The following NAALADL2 variants were observed in gnomAD, a reference collection of about 807,000 sequenced individuals.
NAALADL2 encodes the protein inactive N-acetylated-alpha-linked acidic dipeptidase-like protein 2.
NAALADL2 carries 76 observed loss-of-function variants against 87.2 expected under a neutral mutation model. That is an observed-to-expected ratio of 0.87 (90% CI 0.72 to 1.05). NAALADL2 has a LOEUF of 1.05. Among genes scored for constraint, NAALADL2 ranks in the 50% least tolerant of loss-of-function variants. The pLI is 0.00. For synonymous variants in NAALADL2, 354 were observed against 331.0 expected, an observed-to-expected ratio of 1.07 and a Z score of -0.75; for missense variants, 1,089 against 945.8, an observed-to-expected ratio of 1.15 and a Z score of -1.99.
At chr3:175,132,969 G>A (rs1469842499) in intron 2 of NAALADL2, among the ~76,000 whole-genome samples, 1 of 151,512 alleles carries the variant, frequency 6.6e-6, no homozygotes, top group Non-Finnish European at 1.5e-5. Flanking sequence ...CTTCTCAGAC[G>A]GGGCGGCCGG....
chr3:175,339,738 G>A (rs1322016981), intron 5 of NAALADL2, among the ~76,000 whole-genome samples: 2 of 152,090 alleles, frequency 1.3e-5, no homozygotes, highest in East Asian at 3.9e-4. Flanking sequence ...GGATACCCTA[G>A]ACAAAATATC....
intron 11 of NAALADL2, among the ~76,000 whole-genome samples, chr3:175,650,269 A>G (rs1239268653): frequency 6.6e-6 from 1 of 152,180 alleles, no homozygotes; most frequent in Non-Finnish European, 1.5e-5. Flanking sequence ...AGAGATGACA[A>G]ATTTATAGAG....
upstream of NAALADL2, among the ~76,000 whole-genome samples, chr3:174,857,229 A>G (rs992446730): frequency 2.0e-5 from 3 of 152,086 alleles, no homozygotes; most frequent in Non-Finnish European, 4.4e-5. Flanking sequence ...CCTGGAAGAA[A>G]TTTTCCAGGC....
chr3:174,953,809 A>G (rs1466042751), intron 1 of NAALADL2, among the ~76,000 whole-genome samples: 1 of 151,952 alleles, frequency 6.6e-6, no homozygotes. Context: ...CCATATTTCT[A>G]TTGTTTCTCA....
chr3:175,367,028 A>T (rs1284633761), intron 5 of NAALADL2, among the ~76,000 whole-genome samples: 2 of 151,404 alleles, frequency 1.3e-5, no homozygotes, highest in Admixed American at 6.6e-5. Flanking sequence ...TCTTGAATTA[A>T]TTTTTGTATA....
At chr3:175,754,736 G>A (rs1747038416) in intron 12 of NAALADL2, among the ~76,000 whole-genome samples, 1 of 152,118 alleles carries the variant, frequency 6.6e-6, no homozygotes, top group South Asian at 2.1e-4. Flanking sequence ...ATTCTGTCCT[G>A]TTATTTACTT....
intron 2 of NAALADL2, among the ~76,000 whole-genome samples, chr3:174,689,536 C>T (rs567501874): frequency 3.1e-4 from 47 of 152,024 alleles, no homozygotes; most frequent in East Asian, 2.1e-3. Context: ...TGAACATCAC[C>T]GGGGAGCTTG....
At chr3:175,296,773 T>G (rs936559264) in intron 4 of NAALADL2, among the ~76,000 whole-genome samples, 1 of 152,130 alleles carries the variant, frequency 6.6e-6, no homozygotes, top group African/African-American at 2.4e-5. Flanking sequence ...ATTAAGAAAT[T>G]GAGTGAGGAT....
At chr3:175,272,726 A>T (rs1393966950) in intron 4 of NAALADL2, among the ~76,000 whole-genome samples, 2 of 152,138 alleles carry the variant, frequency 1.3e-5, no homozygotes, top group Non-Finnish European at 2.9e-5. Context: ...AAATCATATA[A>T]TATACTTCCC....
At chr3:175,335,678 T>G (rs1319008714) in intron 5 of NAALADL2, among the ~76,000 whole-genome samples, 1 of 152,208 alleles carries the variant, frequency 6.6e-6, no homozygotes, top group African/African-American at 2.4e-5. Context: ...CTGCTAGCAT[T>G]GTAAATTTCA....
chr3:175,390,072 G>GA (rs774465160), intron 5 of NAALADL2, among the ~76,000 whole-genome samples: 31 of 151,324 alleles, frequency 2.0e-4, no homozygotes, highest in Non-Finnish European at 3.5e-4. Context: ...TATACACATG[G>GA]AAAAAAATAG....
chr3:175,343,367 T>C lies in NAALADL2; in HGVS notation c.1090+19042T>C, dbSNP rs560452784. On this transcript the variant is annotated intron_variant, in intron 5 of 13. Transcript: ENST00000454872. ...GAACACTTTTCCTCTCCACCTGTAA[T>C]GCATTTCCTTGTTATTTTTCTTAAC... Among the ~76,000 whole-genome samples, 24 of 152,242 alleles carry C rather than the reference T, an allele frequency of 1.6e-4. 2 individuals carry two copies. The South Asian group carries it at 4.8e-3, about 30-fold the overall frequency.
At chr3:174,953,101 A>C (rs942438794) in intron 1 of NAALADL2, among the ~76,000 whole-genome samples, 1 of 152,052 alleles carries the variant, frequency 6.6e-6, no homozygotes, top group African/African-American at 2.4e-5. Flanking sequence ...CCAGGTTTAC[A>C]GAAGAAGAAA....
At chr3:174,914,083 G>C (rs1474247371) in intron 1 of NAALADL2, among the ~76,000 whole-genome samples, 1 of 147,506 alleles carries the variant, frequency 6.8e-6, no homozygotes, top group East Asian at 2.0e-4. Flanking sequence ...TTTAATTAGA[G>C]ACGGAGTCTC....
At chr3:175,224,908 T>A (rs566992020) in intron 2 of NAALADL2, among the ~76,000 whole-genome samples, 13 of 152,278 alleles carry the variant, frequency 8.5e-5, no homozygotes, top group African/African-American at 3.1e-4. Context: ...CTCTACAGAT[T>A]GATTTCGATG....
chr3:175,362,502 T>G (rs1351798223), intron 5 of NAALADL2, among the ~76,000 whole-genome samples: 2 of 148,344 alleles, frequency 1.3e-5, no homozygotes, highest in African/African-American at 2.5e-5. Context: ...TCCATGAGCA[T>G]GGAATGTTCT....
At chr3:174,565,087 T>TC (rs1344405196) in intron 2 of NAALADL2, among the ~76,000 whole-genome samples, 2 of 151,982 alleles carry the variant, frequency 1.3e-5, no homozygotes, top group Non-Finnish European at 2.9e-5. Context: ...CTCACCACCA[T>TC]CCCCCCTTGT....
intron 3 of NAALADL2, among the ~76,000 whole-genome samples, chr3:174,810,377 G>A (rs1014947886): frequency 4.6e-5 from 7 of 152,078 alleles, no homozygotes; most frequent in African/African-American, 1.7e-4. Context: ...CCAGGCTGAG[G>A]AGTTCTCAGA....
intron 11 of NAALADL2, among the ~76,000 whole-genome samples, chr3:175,724,683 A>G (rs1015975010): frequency 4.6e-5 from 7 of 152,008 alleles, no homozygotes; most frequent in Non-Finnish European, 1.0e-4. Flanking sequence ...AGAACAATCT[A>G]TTTATTTTTT....
Sources: gnomAD v4.1 joint callset for allele counts (sites outside exome capture counted in the v4.1 genomes callset) on GRCh38, gnomAD v4.1.1 for gene constraint, MANE v1.5 for transcripts, NCBI Gene and HGNC (gene_info 2026-07-23, HGNC 2026-07-21) for gene names.